CWC22: variants seen among roughly 807,000 people sequenced by gnomAD.
The protein encoded by CWC22 is CWC22 spliceosome associated protein.
CWC22 carries 53 observed loss-of-function variants against 117.2 expected under a neutral mutation model. The observed-to-expected ratio is 0.45, with a 90% CI of 0.36 to 0.57. The LOEUF (loss-of-function observed/expected upper bound fraction) is 0.57, where lower values mean the gene tolerates loss of function less well. Ranked by LOEUF, CWC22 falls within the 20% of genes least tolerant of loss-of-function variation. The pLI is 0.00. For synonymous variants in CWC22, 360 were observed against 355.6 expected (o/e 1.01, Z -0.14); for missense variants, 980 against 1,068.8 (o/e 0.92, Z 1.16).
intron 5 of CWC22, among the ~76,000 whole-genome samples, chr2:179,980,104 T>C (rs1035092315): frequency 3.3e-5 from 5 of 152,220 alleles, no homozygotes; most frequent in African/African-American, 9.6e-5. Flanking sequence ...ACAAAGTTTC[T>C]AGTCTTTTAC....
At chr2:179,971,187 T>TC in intron 8 of CWC22, 111 bp from the exon 9 acceptor site, 3 of 709,580 alleles carry the variant, frequency 4.2e-6, no homozygotes, top group Non-Finnish European at 6.4e-6. Context: ...ATATTGCACA[T>TC]ATGATGGGCA....
At chr2:179,950,379 T>C (rs957837378) in intron 19 of CWC22, 133 bp downstream of exon 19, 4 of 609,292 alleles carry the variant, frequency 6.6e-6, no homozygotes, top group East Asian at 2.8e-5. Flanking sequence ...GATGGGACCA[T>C]TTGTATTAAT....
chr2:179,993,400 G>C lies in CWC22; in HGVS notation c.-59C>G. On this transcript the variant is annotated 5_prime_UTR_variant, in exon 2 of 20. Transcript: ENST00000410053. Reference sequence around the variant, plus strand: ...TGCTTCAAACTGGTCCAAATAACAAGTACCCAATGCTCTGAATTCCTTGAC... The same window carrying C: ...TGCTTCAAACTGGTCCAAATAACAACTACCCAATGCTCTGAATTCCTTGAC... 1 of 1,215,028 alleles carries C rather than the reference G, an allele frequency of 8.2e-7. No homozygotes were observed. Among genetic ancestry groups the C allele is most frequent in the Non-Finnish European group, 1.2e-6 (1 of 839,656 alleles). The allele number at this position is 1,215,028 out of a possible 1,614,324, so 75.3% of individuals were successfully genotyped here. A position where few individuals can be genotyped will look rare whatever the true frequency, so the allele number is the denominator to read the frequency against.
At chr2:179,982,774 G>A (rs754495365) in intron 4 of CWC22, among the ~76,000 whole-genome samples, 1 of 152,216 alleles carries the variant, frequency 6.6e-6, no homozygotes, top group South Asian at 2.1e-4. Flanking sequence ...AAACCATCAA[G>A]AACTAACGGG....
rs543725640 is a variant in CWC22, at chr2:179,949,233, T to C, written c.2140+1279A>G. 7.9e-5 allele frequency among the ~76,000 whole-genome samples: 12 copies of C among 152,302 alleles called. No individual in the cohort carries two copies. The East Asian group carries it at 2.3e-3, about 29-fold the overall frequency. ...CAGAGACACCAGAGGTCTGGTAGCC[T>C]TGCAGGGCTAGAGAGACAAGAATGG... On this transcript the variant is annotated intron_variant, in intron 19 of 19. Coordinates refer to ENST00000410053, the MANE Select transcript of CWC22 (RefSeq NM_020943.3).
intron 3 of CWC22, among the ~76,000 whole-genome samples, chr2:179,987,012 G>C (rs911789494): frequency 1.1e-4 from 16 of 151,924 alleles, no homozygotes; most frequent in African/African-American, 3.4e-4. Context: ...ACAACTCCTA[G>C]GATTCACTTA....
intron 1 of CWC22, among the ~76,000 whole-genome samples, chr2:179,998,132 C>G (rs576940907): frequency 2.6e-4 from 39 of 152,250 alleles, no homozygotes; most frequent in African/African-American, 9.1e-4. Context: ...GTCTCCTCAG[C>G]TTTTCAATTT....
Position 179,979,800 on chromosome 2 carries a change from G to C in CWC22, c.453-1482C>G, listed in dbSNP as rs181772280. On this transcript the variant is annotated intron_variant, in intron 5 of 19. Coordinates refer to ENST00000410053, the MANE Select transcript of CWC22 (RefSeq NM_020943.3). ...ACACAAGATGCATGGCTTAACAAGT[G>C]GCCTGATTAATAAGATGTTGCTCAT... 2.0e-3 allele frequency among the ~76,000 whole-genome samples: 308 copies of C among 152,160 alleles called. 2 individuals are homozygous for C. The highest frequency in any genetic ancestry group is 6.9e-3 in the African/African-American group (288 of 41,494).
chr2:180,004,117 G>T (rs1687912549), intron 1 of CWC22, among the ~76,000 whole-genome samples: 1 of 152,168 alleles, frequency 6.6e-6, no homozygotes, highest in African/African-American at 2.4e-5. Flanking sequence ...TAAGAGGGAT[G>T]CATGAATGTA....
chr2:179,958,191 T>A (rs887824221), intron 14 of CWC22, among the ~76,000 whole-genome samples: 1 of 151,512 alleles, frequency 6.6e-6, no homozygotes, highest in African/African-American at 2.4e-5. Context: ...ACTAGCCAGG[T>A]GTGGTAGAGG....
At chr2:179,951,843 G>A (rs1482699105) in intron 17 of CWC22, among the ~76,000 whole-genome samples, 1 of 152,058 alleles carries the variant, frequency 6.6e-6, no homozygotes, top group Non-Finnish European at 1.5e-5. Flanking sequence ...TGAGAAGAAA[G>A]TATGGAGCCA....
At chr2:179,968,693 G>A (rs1686954046) in intron 11 of CWC22, among the ~76,000 whole-genome samples, 1 of 151,588 alleles carries the variant, frequency 6.6e-6, no homozygotes, top group Admixed American at 6.6e-5. Context: ...TCAGCCTCCT[G>A]ACTCGTTGGG....
intron 1 of CWC22, among the ~76,000 whole-genome samples, chr2:179,994,316 A>G (rs1575658140): frequency 6.6e-6 from 1 of 152,356 alleles, no homozygotes; most frequent in East Asian, 1.9e-4. Flanking sequence ...AACTGGAAAA[A>G]AAAATTAATT....
At chr2:179,992,716 T>C (rs1215861922) in intron 2 of CWC22, among the ~76,000 whole-genome samples, 1 of 152,236 alleles carries the variant, frequency 6.6e-6, no homozygotes, top group Non-Finnish European at 1.5e-5. Flanking sequence ...CTTAGAACAA[T>C]CACTATAACA....
At chr2:179,955,055 A>C in intron 14 of CWC22, 21 bp from the exon 15 acceptor site, 1 of 1,499,670 alleles carries the variant, frequency 6.7e-7, no homozygotes, top group Non-Finnish European at 9.2e-7. Flanking sequence ...AAAAAAATAC[A>C]TTAATGATTC....
At chr2:179,985,661 A>T (rs1187434088) in intron 4 of CWC22, among the ~76,000 whole-genome samples, 1 of 152,116 alleles carries the variant, frequency 6.6e-6, no homozygotes, top group Non-Finnish European at 1.5e-5. Context: ...ACAGTACAAT[A>T]AGATATTTTG....
Position 179,954,349 on chromosome 2 carries a change from G to T in CWC22, c.1545C>A (p.Cys515Ter). 1.3e-6 allele frequency: 2 copies of T among 1,557,462 alleles called. No individual in the cohort carries two copies. Among genetic ancestry groups the T allele is most frequent in the Non-Finnish European group, 1.8e-6 (2 of 1,139,874 alleles). ...KFFGLLAGRF[C>*]MLKKEYMESF... ...ATTCCATGTACTCTTTCTTTAGCATGCAAAATCGCTAATAAATAAAAAATC... is the reference window on the plus strand; with the variant it reads ...ATTCCATGTACTCTTTCTTTAGCATTCAAAATCGCTAATAAATAAAAAATC... Residue 515 changes from cysteine to a stop codon, truncating the protein, a stop_gained, in exon 16 of 20, where the codon TGC becomes TGA. Transcript: ENST00000410053. LOFTEE classifies it high-confidence loss of function.
chr2:179,974,836 C>T (rs900782311), intron 6 of CWC22, among the ~76,000 whole-genome samples: 1 of 152,170 alleles, frequency 6.6e-6, no homozygotes, highest in African/African-American at 2.4e-5. Flanking sequence ...ACTGGAAGCT[C>T]TGCCTCCTGG....
Position 179,952,483 on chromosome 2 carries a change from C to G in CWC22, c.1805G>C (p.Arg602Thr), listed in dbSNP as rs748110900. The change falls in exon 17 of 20, where the codon AGA becomes ACA. Residue 602 changes from arginine (R) to threonine (T), a missense_variant. Physicochemically the swap from Arg to Thr is moderately conservative, Grantham distance 71 (BLOSUM62 -1). Around this residue, in one of 3 missense-constraint regions of CWC22, gnomAD observed 115 missense variants for 169.8 expected, o/e 0.68. Transcript: ENST00000410053. ...EYMGLPKLNARLKDETLQPFF... is the reference protein window; with the variant it reads ...EYMGLPKLNATLKDETLQPFF... ...ATGGCAAACTTACTCATCCTTTAAT[C>G]TTGCATTAAGTTTAGGAAGACCCAT... The G allele has an allele frequency of 6.4e-7, 1 of 1,557,900 alleles. No homozygotes were observed. Among genetic ancestry groups the G allele is most frequent in the East Asian group, 2.3e-5 (1 of 43,096 alleles).
Sources: gnomAD v4.1 joint callset for allele counts (sites outside exome capture counted in the v4.1 genomes callset) on GRCh38, gnomAD v4.1.1 for gene constraint, gnomAD v4.1.1 regional missense constraint, MANE v1.5 for transcripts, NCBI Gene and HGNC (gene_info 2026-07-23, HGNC 2026-07-21) for gene names.